TET1: variants seen among roughly 807,000 people sequenced by gnomAD.
TET1 encodes the protein methylcytosine dioxygenase TET1.
A neutral mutation model predicts 148.7 loss-of-function variants in TET1; 13 were observed. That is an observed-to-expected ratio of 0.09 (90% CI 0.06 to 0.14). The LOEUF is 0.14. TET1 is among the 10% of genes least tolerant of loss of function. The pLI is 1.00. For missense variants in TET1, 2,182 were observed against 2,553.8 expected (o/e 0.85, Z 3.14); for synonymous variants, 907 against 937.2 (o/e 0.97, Z 0.59).
intron 3 of TET1, among the ~76,000 whole-genome samples, chr10:68,621,653 G>A (rs2054373534): frequency 6.6e-6 from 1 of 152,064 alleles, no homozygotes; most frequent in South Asian, 2.1e-4. Flanking sequence ...GACGATTTGG[G>A]GTGTTTCTTC....
At chr10:68,633,924 A>G (rs2133039717) in intron 3 of TET1, among the ~76,000 whole-genome samples, 1 of 152,242 alleles carries the variant, frequency 6.6e-6, no homozygotes, top group East Asian at 1.9e-4. Flanking sequence ...CAAGGAATGG[A>G]TTATTTTTGT....
At chr10:68,630,689 C>T (rs1034510872) in intron 3 of TET1, among the ~76,000 whole-genome samples, 2 of 152,090 alleles carry the variant, frequency 1.3e-5, no homozygotes, top group Admixed American at 1.3e-4. Flanking sequence ...GGAGAAAGAT[C>T]TTGTCTTGAT....
chr10:68,688,345 G>T (rs563113614), intron 11 of TET1, among the ~76,000 whole-genome samples: 1 of 150,982 alleles, frequency 6.6e-6, no homozygotes, highest in African/African-American at 2.4e-5. Context: ...TGATCCACCC[G>T]CCTCGGCCTC....
rs774165175 is a variant in TET1, at chr10:68,690,978, C to G, written c.5575C>G (p.Pro1859Ala). 2 of 1,614,126 alleles carry G rather than the reference C, an allele frequency of 1.2e-6. No homozygotes were observed. The highest frequency in any genetic ancestry group is 1.7e-5 in the Admixed American group (1 of 60,012). Residue 1859 changes from proline to alanine, a missense_variant, in exon 12 of 12, where the codon CCA becomes GCA. Pro to Ala is a conservative substitution (Grantham distance 27). This residue lies in a region of TET1 where 380 missense variants were observed against 387.9 expected (regional missense o/e 0.98). Coordinates refer to ENST00000373644, the MANE Select transcript of TET1 (RefSeq NM_030625.3). The part of the protein sequence containing the change: ...SWSPKTASAT[P>A]APLKNDATAS... ...GTCCCCGAAGACTGCTTCAGCCACA[C>G]CAGCTCCACTGAAGAATGACGCAAC...
In TET1 at chr10:68,630,310, T is replaced by TTTG. The variant is rs1010788322; in HGVS notation, c.1969-14373_1969-14371dup. Among the ~76,000 whole-genome samples, 4 of 152,032 alleles carry TTTG rather than the reference T, an allele frequency of 2.6e-5. No individual in the cohort carries two copies. In the East Asian group the frequency reaches 5.8e-4, roughly 22 times the overall value. On this transcript the variant is annotated intron_variant, in intron 3 of 11. Coordinates refer to ENST00000373644, the MANE Select transcript of TET1 (RefSeq NM_030625.3). Reference sequence around the variant, plus strand: ...TCATAACTTTTAGACATGGTTGAGTTTTGTTGTTGTTGTTGTTTTGACACG... The same window carrying TTTG: ...TCATAACTTTTAGACATGGTTGAGTTTTGTTGTTGTTGTTGTTGTTTTGACACG...
chr10:68,578,916 CTGA>C (rs547560210), intron 2 of TET1, among the ~76,000 whole-genome samples: 13 of 152,158 alleles, frequency 8.5e-5, no homozygotes, highest in African/African-American at 3.1e-4. Context: ...ACTTGGGATG[CTGA>C]GGTGGGAAGA....
chr10:68,669,934 G>A (rs1004285538), intron 7 of TET1, among the ~76,000 whole-genome samples: 4 of 152,110 alleles, frequency 2.6e-5, no homozygotes, highest in African/African-American at 9.7e-5. Context: ...GTGAGCCACC[G>A]TGCCCGGCCT....
At chr10:68,652,019 C>G in intron 5 of TET1, 83 bp downstream of exon 5, 1 of 1,275,008 alleles carries the variant, frequency 7.8e-7, no homozygotes, top group Non-Finnish European at 1.1e-6. Flanking sequence ...AGAACAAACG[C>G]CGTGATTGAA....
At chr10:68,596,998 T>C in intron 2 of TET1, among the ~76,000 whole-genome samples, 1 of 150,706 alleles carries the variant, frequency 6.6e-6, no homozygotes, top group East Asian at 1.9e-4. Flanking sequence ...TCATTTTATT[T>C]TATTTTATTT....
At position 68,684,656 on chromosome 10, in the gene TET1, C is replaced by T. The variant is rs2030058; in HGVS notation, c.5052+1683C>T. 1.8e-3 allele frequency among the ~76,000 whole-genome samples: 273 copies of T among 152,268 alleles called. 1 individual carries two copies. The highest frequency in any genetic ancestry group is 6.3e-3 in the African/African-American group (261 of 41,560). The stretch of plus-strand genomic sequence containing the variant: ...ATTACTCACTCAATGAGGGTCTTAT[C>T]CGGAACTTGACATCACTCCAAATTC... On this transcript the variant is annotated intron_variant, in intron 10 of 11. Transcript: ENST00000373644.
intron 3 of TET1, among the ~76,000 whole-genome samples, chr10:68,616,854 C>G (rs1369857829): frequency 6.6e-6 from 1 of 150,674 alleles, no homozygotes; most frequent in Admixed American, 6.7e-5. Flanking sequence ...GCTACAGGCG[C>G]CCACCACGAC....
chr10:68,582,499 G>GC (rs951001541), intron 2 of TET1, among the ~76,000 whole-genome samples: 1 of 152,140 alleles, frequency 6.6e-6, no homozygotes, highest in African/African-American at 2.4e-5. Flanking sequence ...ACCTACATGG[G>GC]CTGTGTTTCA....
At chr10:68,622,501 G>A (rs953760332) in intron 3 of TET1, among the ~76,000 whole-genome samples, 1 of 151,866 alleles carries the variant, frequency 6.6e-6, no homozygotes, top group Non-Finnish European at 1.5e-5. Flanking sequence ...CCTAATCTCA[G>A]GTGATCTGCC....
chr10:68,624,598 T>TTTTCTCTTTC (rs2054426177), intron 3 of TET1, among the ~76,000 whole-genome samples: 1 of 148,248 alleles, frequency 6.7e-6, no homozygotes, highest in Non-Finnish European at 1.5e-5. Context: ...CTTATTTTCT[T>TTTTCTCTTTC]TTTCTCTTTC....
chr10:68,596,095 G>A (rs1415645646), intron 2 of TET1, among the ~76,000 whole-genome samples: 4 of 145,324 alleles, frequency 2.8e-5, no homozygotes, highest in Non-Finnish European at 6.0e-5. Flanking sequence ...CTGCAGTGCA[G>A]TGGCGCAATC....
At chr10:68,682,595 T>G (rs780216526) in intron 9 of TET1, among the ~76,000 whole-genome samples, 15 of 152,230 alleles carry the variant, frequency 9.9e-5, no homozygotes, top group Non-Finnish European at 1.9e-4. Flanking sequence ...CCAACAAGAA[T>G]TAGTATCCTC....
At position 68,573,973 on chromosome 10, in the gene TET1, C is replaced by A. The variant is rs2053700772; in HGVS notation, c.1635C>A (p.Ser545Arg). The A allele has an allele frequency of 6.2e-7, 1 of 1,614,184 alleles. No homozygotes were observed. ...QAGPSKSDRG[S>R]SQVSVTSTVH... ...GTCCTAGCAAATCAGACAGAGGGAG[C>A]TCCCAGGTCAGTGTAACCAGCACAG... The change falls in exon 2 of 12, where the codon AGC becomes AGA. Residue 545 changes from serine to arginine, a missense_variant. By Grantham distance (110) the Ser-to-Arg change is moderately radical. This residue lies in a region of TET1 where 665 missense variants were observed against 672.4 expected (regional missense o/e 0.99). Transcript: ENST00000373644.
chr10:68,673,823 A>G (rs2055307476), intron 8 of TET1, among the ~76,000 whole-genome samples: 2 of 151,972 alleles, frequency 1.3e-5, no homozygotes, highest in African/African-American at 2.4e-5. Flanking sequence ...AACAATACTT[A>G]CCTTTCTTAC....
At chr10:68,687,252 A>AG (rs1165814623) in intron 11 of TET1, among the ~76,000 whole-genome samples, 3 of 149,854 alleles carry the variant, frequency 2.0e-5, no homozygotes, top group Non-Finnish European at 3.0e-5. Flanking sequence ...TGGCATGGGG[A>AG]GGGGTCTCAC....
Sources: allele counts gnomAD v4.1 joint callset (sites outside exome capture counted in the v4.1 genomes callset), GRCh38; gene constraint gnomAD v4.1.1; regional missense constraint gnomAD v4.1.1; transcripts MANE v1.5; gene names NCBI Gene and HGNC (gene_info 2026-07-23, HGNC 2026-07-21).